Variants in BCAS3 observed in about 807,000 individuals in gnomAD.
BCAS3 encodes the protein BCAS3 microtubule associated cell migration factor.
In BCAS3, 53 loss-of-function variants were observed where a neutral mutation model predicts 116.1. The ratio of observed to expected loss-of-function variants is 0.46; its 90% CI spans 0.37 to 0.57. The LOEUF (loss-of-function observed/expected upper bound fraction) is 0.57. Ranked by LOEUF, BCAS3 falls within the 20% of genes least tolerant of loss-of-function variation. The pLI is 0.00. For missense variants in BCAS3, 917 were observed against 1,165.4 expected (o/e 0.79, Z 3.10); for synonymous variants, 391 against 408.2 (o/e 0.96, Z 0.51).
chr17:60,842,943 C>A (rs551155461), intron 7 of BCAS3, among the ~76,000 whole-genome samples: 1 of 151,296 alleles, frequency 6.6e-6, no homozygotes, highest in South Asian at 2.1e-4. Context: ...CCAATTATAG[C>A]TCATTGCAGT....
chr17:60,681,551 C>A (rs752233747), intron 2 of BCAS3, among the ~76,000 whole-genome samples: 2 of 146,650 alleles, frequency 1.4e-5, no homozygotes, highest in African/African-American at 5.0e-5. Context: ...ATATATTATT[C>A]TTTTTTTTTT....
At chr17:61,165,486 T>G (rs762750097) in intron 22 of BCAS3, among the ~76,000 whole-genome samples, 5 of 151,972 alleles carry the variant, frequency 3.3e-5, no homozygotes, top group Non-Finnish European at 5.9e-5. Flanking sequence ...TTACCTGAGG[T>G]TGGTAGCCTG....
rs570985628 is a variant in BCAS3 at position 61,387,490 on chromosome 17, C to T, written c.2594-4487C>T. ...AGGATCCAGCTTGCTTTTTTTTCAC[C>T]CTGAGAACAGTAGTGCCAAGGATCC... On this transcript the variant is annotated intron_variant, in intron 23 of 23. Transcript: ENST00000407086. The surrounding 1 kb of genome is among the most constrained non-coding windows in gnomAD (Gnocchi z 6.2). Among the ~76,000 whole-genome samples the T allele has an allele frequency of 6.6e-6, 1 of 152,208 alleles. No individual in the cohort carries two copies. Among genetic ancestry groups the T allele is most frequent in the South Asian group, 2.1e-4 (1 of 4,822 alleles).
chr17:60,985,952 G>A (rs1229231400), intron 14 of BCAS3, among the ~76,000 whole-genome samples: 1 of 152,174 alleles, frequency 6.6e-6, no homozygotes, highest in African/African-American at 2.4e-5. Flanking sequence ...GACCAGGCTG[G>A]TCTTGAACTC....
chr17:60,712,256 G>A (rs1012563970), intron 5 of BCAS3, among the ~76,000 whole-genome samples: 4 of 151,840 alleles, frequency 2.6e-5, no homozygotes, highest in Admixed American at 2.0e-4. Flanking sequence ...TGCGCCTGTG[G>A]TTCCAGCTAC....
intron 19 of BCAS3, among the ~76,000 whole-genome samples, chr17:61,052,103 A>G (rs2068912834): frequency 6.6e-6 from 1 of 152,014 alleles, no homozygotes; most frequent in Non-Finnish European, 1.5e-5. Flanking sequence ...AAATTTGGAA[A>G]TTTTTATACA....
At chr17:60,820,833 A>G (rs2049899674) in intron 7 of BCAS3, among the ~76,000 whole-genome samples, 1 of 152,230 alleles carries the variant, frequency 6.6e-6, no homozygotes, top group Admixed American at 6.5e-5. Flanking sequence ...TGAGCCATGA[A>G]AAACATGATT....
rs1291390759 is a variant in BCAS3, at chr17:60,725,611, T to G, written c.321+16286T>G. Among the ~76,000 whole-genome samples, 4 of 152,312 alleles carry G rather than the reference T, an allele frequency of 2.6e-5. No individual in the cohort carries two copies. The East Asian group carries it at 7.7e-4, about 29-fold the overall frequency. On this transcript the variant is annotated intron_variant, in intron 5 of 23. Coordinates refer to ENST00000407086, the MANE Select transcript of BCAS3 (RefSeq NM_017679.5). Reference sequence around the variant, plus strand: ...GGGGCCATTTGGCTATTTTTTTCATTGTCATGATTGGGGATTGCTGCTGGC... The same window carrying G: ...GGGGCCATTTGGCTATTTTTTTCATGGTCATGATTGGGGATTGCTGCTGGC...
chr17:61,051,646 G>A lies in BCAS3; in HGVS notation c.2029+10754G>A, dbSNP rs1052587141. ...AGGGTCTTACTCTGTCACTCAGACT[G>A]GAGTGCAGTGTCTTAGTCATGGTTC... On this transcript the variant is annotated intron_variant, in intron 19 of 23. Coordinates refer to ENST00000407086, the MANE Select transcript of BCAS3 (RefSeq NM_017679.5). The surrounding 1 kb of genome is among the most constrained non-coding windows in gnomAD (Gnocchi z 4.1). Among the ~76,000 whole-genome samples, 12 of 152,148 alleles carry A rather than the reference G, an allele frequency of 7.9e-5. No individual in the cohort carries two copies. The highest frequency in any genetic ancestry group is 1.5e-4 in the Non-Finnish European group (10 of 68,034).
rs2056092110 is a variant in BCAS3 at position 61,329,704 on chromosome 17, G to T, written c.2426-38623G>T. ...CTTTTGAAGAGAACAGAAGTGAGAG[G>T]GCAGGAATGGTGACTGACTATGGAA... is the stretch of plus-strand genomic sequence containing the variant. On this transcript the variant is annotated intron_variant, in intron 22 of 23. Coordinates refer to ENST00000407086, the MANE Select transcript of BCAS3 (RefSeq NM_017679.5). Among the ~76,000 whole-genome samples the T allele has an allele frequency of 5.9e-5, 9 of 152,118 alleles. No homozygotes were observed. In the South Asian group the frequency reaches 1.9e-3, roughly 32 times the overall value.
intron 22 of BCAS3, among the ~76,000 whole-genome samples, chr17:61,247,093 A>G (rs2048031816): frequency 6.6e-6 from 1 of 152,114 alleles, no homozygotes; most frequent in Non-Finnish European, 1.5e-5. Context: ...TCTGACATTC[A>G]TCATTCCATG....
At chr17:61,066,045 T>G (rs1250613143) in intron 19 of BCAS3, among the ~76,000 whole-genome samples, 13 of 152,228 alleles carry the variant, frequency 8.5e-5, no homozygotes, top group Admixed American at 8.5e-4. Context: ...TAAAACTAGG[T>G]ACCATTAGGG....
At chr17:60,799,528 T>G (rs557843522) in intron 6 of BCAS3, among the ~76,000 whole-genome samples, 88 of 127,666 alleles carry the variant, frequency 6.9e-4, no homozygotes, top group Middle Eastern at 7.5e-3. Flanking sequence ...GTGTTTGTTT[T>G]TTTTTTTTTT....
At chr17:60,963,325 G>A (rs2061497834) in intron 14 of BCAS3, among the ~76,000 whole-genome samples, 1 of 151,920 alleles carries the variant, frequency 6.6e-6, no homozygotes, top group African/African-American at 2.4e-5. Context: ...ACTTTGGATA[G>A]TATTGTCGTT....
intron 22 of BCAS3, among the ~76,000 whole-genome samples, chr17:61,253,788 A>G (rs2054602669): frequency 6.6e-6 from 1 of 152,064 alleles, no homozygotes. Flanking sequence ...TTTTTGTTGT[A>G]TAGTTTTAGT....
intron 21 of BCAS3, among the ~76,000 whole-genome samples, chr17:61,079,146 C>G (rs2072309144): frequency 6.6e-6 from 1 of 151,288 alleles, no homozygotes; most frequent in Admixed American, 6.6e-5. Context: ...TTTGTTATAC[C>G]AAGACTTGAC....
intron 22 of BCAS3, among the ~76,000 whole-genome samples, chr17:61,090,456 T>C (rs1263982748): frequency 6.6e-6 from 1 of 152,184 alleles, no homozygotes; most frequent in Non-Finnish European, 1.5e-5. Flanking sequence ...ACTCAAATAT[T>C]AAGATTGGCT....
chr17:60,901,398 G>C (rs993677805), intron 10 of BCAS3, among the ~76,000 whole-genome samples: 1 of 152,152 alleles, frequency 6.6e-6, no homozygotes, highest in Non-Finnish European at 1.5e-5. Context: ...GTGGATGAAT[G>C]AGTGAGCAAG....
chr17:61,007,708 T>TAA lies in BCAS3; in HGVS notation c.1487-8032_1487-8031dup, dbSNP rs560982056. On this transcript the variant is annotated intron_variant, in intron 15 of 23. Transcript: ENST00000407086. The surrounding 1 kb of genome is among the most constrained non-coding windows in gnomAD (Gnocchi z 4.3). ...TAATAATCTCAATCCCCATCCTGTT[T>TAA]AAAAAAAAAAAAGAAAGATTGGATT... Among the ~76,000 whole-genome samples, 2 of 144,642 alleles carry TAA rather than the reference T, an allele frequency of 1.4e-5. No individual in the cohort carries two copies. The highest frequency in any genetic ancestry group is 2.5e-5 in the African/African-American group (1 of 39,838). 94.9% of individuals were successfully genotyped at this position (144,642 alleles called of 152,430 possible).
Sources: gnomAD v4.1 joint callset for allele counts (sites outside exome capture counted in the v4.1 genomes callset) on GRCh38, gnomAD v4.1.1 for gene constraint, Gnocchi (gnomAD v3.1) non-coding constraint, MANE v1.5 for transcripts, NCBI Gene and HGNC (gene_info 2026-07-23, HGNC 2026-07-21) for gene names.